CMSS1: variants seen among roughly 807,000 people sequenced by gnomAD.
CMSS1 encodes the protein cms1 ribosomal small subunit homolog.
CMSS1 carries 33 observed loss-of-function variants against 43.5 expected under a neutral mutation model. That is an observed-to-expected ratio of 0.76 (90% CI 0.57 to 1.01). CMSS1 has a LOEUF of 1.01. CMSS1 is among the 50% of genes least tolerant of loss of function. The pLI, the probability that CMSS1 is intolerant of heterozygous loss-of-function variation, is 0.00. For missense variants in CMSS1, 313 were observed against 326.4 expected, an observed-to-expected ratio of 0.96 and a Z score of 0.32; for synonymous variants, 115 against 117.2, an observed-to-expected ratio of 0.98 and a Z score of 0.12.
At chr3:99,939,470 C>T (rs1176617002) in intron 1 of CMSS1, among the ~76,000 whole-genome samples, 1 of 152,198 alleles carries the variant, frequency 6.6e-6, no homozygotes, top group African/African-American at 2.4e-5. Context: ...TCAGTCTCCT[C>T]CACCCACAAC....
At chr3:100,036,733 A>T (rs1247402207) in intron 1 of CMSS1, among the ~76,000 whole-genome samples, 1 of 152,220 alleles carries the variant, frequency 6.6e-6, no homozygotes, top group East Asian at 1.9e-4. Flanking sequence ...TCCACAAATT[A>T]CTTATTAATA....
At chr3:99,858,240 C>T (rs1172470394) in intron 1 of CMSS1, among the ~76,000 whole-genome samples, 1 of 151,830 alleles carries the variant, frequency 6.6e-6, no homozygotes, top group African/African-American at 2.4e-5. Context: ...CTGAGGCAGG[C>T]GGATCATGAG....
intron 1 of CMSS1, among the ~76,000 whole-genome samples, chr3:99,956,670 T>A (rs1708329024): frequency 2.0e-5 from 3 of 152,234 alleles, no homozygotes; most frequent in Admixed American, 1.3e-4. Context: ...CTTTGGATCA[T>A]AAGCATCGCC....
At chr3:99,863,305 G>A (rs1186329901) in intron 1 of CMSS1, among the ~76,000 whole-genome samples, 1 of 152,190 alleles carries the variant, frequency 6.6e-6, no homozygotes, top group Non-Finnish European at 1.5e-5. Context: ...CAGTAATGCT[G>A]CCTCATCCCG....
intron 8 of CMSS1, among the ~76,000 whole-genome samples, 194 bp downstream of exon 8, chr3:100,172,597 A>C (rs983696515): frequency 8.5e-5 from 13 of 152,188 alleles, no homozygotes; most frequent in Admixed American, 3.3e-4. Flanking sequence ...GACTGTGGCA[A>C]ACTGAAGTAC....
chr3:100,134,182 T>G (rs2066732008), intron 1 of CMSS1, among the ~76,000 whole-genome samples: 1 of 152,098 alleles, frequency 6.6e-6, no homozygotes, highest in African/African-American at 2.4e-5. Context: ...TGGGCCACAT[T>G]AACCTATTTT....
intron 1 of CMSS1, among the ~76,000 whole-genome samples, chr3:99,934,767 A>G (rs941334447): frequency 1.3e-5 from 2 of 152,256 alleles, no homozygotes; most frequent in Non-Finnish European, 2.9e-5. Flanking sequence ...TGGTAGGAGA[A>G]CATAGATCAT....
At chr3:99,962,013 G>C (rs1430761736) in intron 1 of CMSS1, among the ~76,000 whole-genome samples, 1 of 152,162 alleles carries the variant, frequency 6.6e-6, no homozygotes, top group Non-Finnish European at 1.5e-5. Context: ...CTTGCTGATT[G>C]GGGGTTAGGG....
At chr3:99,891,393 C>T (rs2107614833) in intron 1 of CMSS1, among the ~76,000 whole-genome samples, 1 of 152,210 alleles carries the variant, frequency 6.6e-6, no homozygotes, top group East Asian at 1.9e-4. Flanking sequence ...TGGAGTTTAA[C>T]AAAACATTCT....
At chr3:100,134,957 C>T (rs1332574441) in intron 1 of CMSS1, among the ~76,000 whole-genome samples, 1 of 151,810 alleles carries the variant, frequency 6.6e-6, no homozygotes, top group Non-Finnish European at 1.5e-5. Flanking sequence ...TCCTGGCTCT[C>T]TTTCTTATTA....
chr3:99,937,737 A>G (rs1238693615), intron 1 of CMSS1, among the ~76,000 whole-genome samples: 2 of 152,244 alleles, frequency 1.3e-5, no homozygotes, highest in East Asian at 1.9e-4. Flanking sequence ...GGCTCTGAAT[A>G]GGAGCTGCCT....
chr3:100,065,853 A>G (rs1426385411), intron 1 of CMSS1, among the ~76,000 whole-genome samples: 2 of 152,198 alleles, frequency 1.3e-5, no homozygotes, highest in Non-Finnish European at 2.9e-5. Flanking sequence ...TTTACCTAAT[A>G]CTGTGTTCTA....
At chr3:99,952,272 G>A (rs1708200142) in intron 1 of CMSS1, among the ~76,000 whole-genome samples, 1 of 152,100 alleles carries the variant, frequency 6.6e-6, no homozygotes, top group East Asian at 1.9e-4. Flanking sequence ...AATTAGGGCA[G>A]TTTCAATTGG....
chr3:100,139,739 G>A (rs2066789641), intron 1 of CMSS1, among the ~76,000 whole-genome samples: 1 of 147,782 alleles, frequency 6.8e-6, no homozygotes, highest in Admixed American at 6.8e-5. Flanking sequence ...GGAGGTTGCA[G>A]TTAGCTGAGA....
chr3:99,856,297 A>G (rs1347226536), intron 1 of CMSS1, among the ~76,000 whole-genome samples: 1 of 152,240 alleles, frequency 6.6e-6, no homozygotes, highest in Non-Finnish European at 1.5e-5. Flanking sequence ...TAGAACACAA[A>G]GAGTATAGGT....
chr3:100,160,326 C>T, intron 2 of CMSS1, 104 bp from the exon 3 acceptor site: 1 of 655,046 alleles, frequency 1.5e-6, no homozygotes. Context: ...TACCAAGATA[C>T]TCTGAAGAAT....
intron 1 of CMSS1, among the ~76,000 whole-genome samples, chr3:99,825,126 A>G (rs1377134088): frequency 6.6e-6 from 1 of 152,230 alleles, no homozygotes; most frequent in Non-Finnish European, 1.5e-5. Flanking sequence ...CATTGTCTCT[A>G]CATATAAAAT....
chr3:99,820,073 A>C (rs1942404967), intron 1 of CMSS1, among the ~76,000 whole-genome samples: 1 of 151,824 alleles, frequency 6.6e-6, no homozygotes, highest in Non-Finnish European at 1.5e-5. Context: ...TTAAACACTG[A>C]ATCTAGTAAA....
intron 8 of CMSS1, among the ~76,000 whole-genome samples, chr3:100,174,057 G>A (rs1249874416): frequency 6.6e-6 from 1 of 152,192 alleles, no homozygotes; most frequent in Non-Finnish European, 1.5e-5. Flanking sequence ...TTTCTTGCTT[G>A]GAAACTTCGT....
Sources: allele counts gnomAD v4.1 joint callset (sites outside exome capture counted in the v4.1 genomes callset), GRCh38; gene constraint gnomAD v4.1.1; transcripts MANE v1.5; gene names NCBI Gene and HGNC (gene_info 2026-07-23, HGNC 2026-07-21).